The following PPP1R12A variants were observed in gnomAD, a reference collection of about 807,000 sequenced individuals.
The protein encoded by PPP1R12A is protein phosphatase 1 regulatory subunit 12A.
A neutral mutation model predicts 139.6 loss-of-function variants in PPP1R12A; 19 were observed. The ratio of observed to expected loss-of-function variants is 0.14; its 90% CI spans 0.09 to 0.20. The LOEUF is 0.20. PPP1R12A is among the 10% of genes least tolerant of loss of function. PPP1R12A has a pLI of 1.00. For missense variants in PPP1R12A, 925 were observed against 1,211.5 expected (o/e 0.76, Z 3.51); for synonymous variants, 427 against 420.6 (o/e 1.02, Z -0.19).
At chr12:79,836,131 G>A (rs1878050724) in intron 3 of PPP1R12A, among the ~76,000 whole-genome samples, 1 of 152,052 alleles carries the variant, frequency 6.6e-6, no homozygotes, top group Non-Finnish European at 1.5e-5. Context: ...ACAATAAATT[G>A]TATAAACTAT....
chr12:79,850,691 C>T (rs12318916), intron 2 of PPP1R12A, among the ~76,000 whole-genome samples: 56 of 152,226 alleles, frequency 3.7e-4, no homozygotes, highest in African/African-American at 1.3e-3. Flanking sequence ...CTTAGTGTTG[C>T]AGCTGGGGCC....
At position 79,792,384 on chromosome 12, in the gene PPP1R12A, C is replaced by G. The variant is rs932051159; in HGVS notation, c.2649+1479G>C. On this transcript the variant is annotated intron_variant, in intron 19 of 24. Transcript: ENST00000450142. ...GAGGTACATCAGCCTGAGGATGAAG[C>G]TGACACAAAGGACTGCAGAATATAA... Among the ~76,000 whole-genome samples the G allele has an allele frequency of 2.0e-5, 3 of 152,128 alleles. No individual in the cohort carries two copies. The South Asian group carries it at 6.2e-4, about 31-fold the overall frequency.
intron 18 of PPP1R12A, among the ~76,000 whole-genome samples, chr12:79,795,058 A>C (rs1041091354): frequency 3.9e-5 from 6 of 152,074 alleles, no homozygotes; most frequent in South Asian, 2.1e-4. Context: ...TATTGTGCTA[A>C]TCCATTAAGC....
chr12:79,826,726 T>C, intron 5 of PPP1R12A, among the ~76,000 whole-genome samples: 1 of 152,194 alleles, frequency 6.6e-6, no homozygotes, highest in Non-Finnish European at 1.5e-5. Context: ...AATAAAATGA[T>C]TTTTCTCATG....
At chr12:79,778,843 A>C (rs1293113741) in intron 23 of PPP1R12A, 3 of 310,086 alleles carry the variant, frequency 9.7e-6, no homozygotes. Flanking sequence ...ATGCTACATA[A>C]CATATTCAAA....
intron 22 of PPP1R12A, among the ~76,000 whole-genome samples, chr12:79,783,815 A>T (rs541866848): frequency 1.3e-5 from 2 of 152,258 alleles, no homozygotes; most frequent in Non-Finnish European, 2.9e-5. Context: ...ACATCAGTTT[A>T]GATAGTATTT....
chr12:79,927,138 T>C (rs1290455474), intron 1 of PPP1R12A, among the ~76,000 whole-genome samples: 2 of 152,054 alleles, frequency 1.3e-5, no homozygotes, highest in Non-Finnish European at 2.9e-5. Flanking sequence ...CAGTGAACTA[T>C]GTTCATGCCA....
chr12:79,838,482 G>A (rs182695546), intron 3 of PPP1R12A, among the ~76,000 whole-genome samples: 2 of 152,320 alleles, frequency 1.3e-5, no homozygotes, highest in East Asian at 3.9e-4. Flanking sequence ...GGTCCCCAGG[G>A]CATGTCAAAG....
intron 3 of PPP1R12A, among the ~76,000 whole-genome samples, chr12:79,834,464 A>C (rs985489063): frequency 1.3e-5 from 2 of 152,214 alleles, no homozygotes; most frequent in Non-Finnish European, 2.9e-5. Context: ...TAGGCAAGCA[A>C]TTATGGTAAC....
chr12:79,833,023 A>G (rs1877619176), intron 3 of PPP1R12A, among the ~76,000 whole-genome samples: 1 of 152,188 alleles, frequency 6.6e-6, no homozygotes, highest in South Asian at 2.1e-4. Context: ...TCATACCATT[A>G]AAGTTATTTT....
At chr12:79,879,430 ACTAT>A (rs1253664575) in intron 1 of PPP1R12A, among the ~76,000 whole-genome samples, 5 of 152,194 alleles carry the variant, frequency 3.3e-5, no homozygotes, top group African/African-American at 1.2e-4. Context: ...ACTTCAGAAA[ACTAT>A]CTAATAGCAT....
intron 22 of PPP1R12A, 79 bp from the exon 23 acceptor site, chr12:79,781,941 G>T (rs1870499104): frequency 1.3e-6 from 1 of 741,332 alleles, no homozygotes; most frequent in Non-Finnish European, 2.2e-6. Context: ...CTTTTAATAG[G>T]TATTAAATCA....
At chr12:79,778,369 T>G in intron 24 of PPP1R12A, 181 bp downstream of exon 24, 1 of 390,354 alleles carries the variant, frequency 2.6e-6, no homozygotes, top group East Asian at 3.8e-5. Flanking sequence ...ATTTGGGTTT[T>G]AGACCCTCTT....
intron 21 of PPP1R12A, 124 bp downstream of exon 21, chr12:79,788,524 C>T (rs1040121473): frequency 2.4e-5 from 23 of 971,158 alleles, no homozygotes; most frequent in Admixed American, 1.5e-4. Context: ...CATCACTTGC[C>T]GAAAACTGAA....
chr12:79,845,043 T>C (rs1879221428), intron 3 of PPP1R12A, among the ~76,000 whole-genome samples: 2 of 152,194 alleles, frequency 1.3e-5, no homozygotes, highest in Admixed American at 1.3e-4. Flanking sequence ...CTACTTTATT[T>C]TGCTCCAAAA....
Position 79,859,358 on chromosome 12 carries a change from A to G in PPP1R12A, c.368+13450T>C, listed in dbSNP as rs537592280. On this transcript the variant is annotated intron_variant, in intron 2 of 24. Transcript: ENST00000450142. Reference sequence around the variant, plus strand: ...TCTTTAAAAAAAAAAAAGAAAGAAAAAAAAAAAAAAACAACAGTGCTCAGG... The same window carrying G: ...TCTTTAAAAAAAAAAAAGAAAGAAAGAAAAAAAAAAACAACAGTGCTCAGG... Among the ~76,000 whole-genome samples, 689 of 150,412 alleles carry G rather than the reference A, an allele frequency of 4.6e-3. 6 individuals are homozygous for G. Among genetic ancestry groups the G allele is most frequent in the Middle Eastern group, 0.021 (6 of 288 alleles).
At chr12:79,896,581 T>G (rs1885152749) in intron 1 of PPP1R12A, among the ~76,000 whole-genome samples, 1 of 152,140 alleles carries the variant, frequency 6.6e-6, no homozygotes, top group Non-Finnish European at 1.5e-5. Context: ...GATGCTCCCA[T>G]CTCAGCCTCC....
chr12:79,790,124 G>C (rs1871646503), intron 20 of PPP1R12A, among the ~76,000 whole-genome samples: 1 of 152,048 alleles, frequency 6.6e-6, no homozygotes, highest in African/African-American at 2.4e-5. Context: ...GTCTAAAGCA[G>C]GGCTACAAGA....
At chr12:79,893,712 A>G (rs774988668) in intron 1 of PPP1R12A, among the ~76,000 whole-genome samples, 1 of 152,220 alleles carries the variant, frequency 6.6e-6, no homozygotes, top group African/African-American at 2.4e-5. Context: ...TTAAACAGGC[A>G]AATAACACTT....
Sources: allele counts gnomAD v4.1 joint callset (sites outside exome capture counted in the v4.1 genomes callset), GRCh38; gene constraint gnomAD v4.1.1; transcripts MANE v1.5; gene names NCBI Gene and HGNC (gene_info 2026-07-23, HGNC 2026-07-21).